The following WDR1 variants were observed in gnomAD, a reference collection of about 807,000 sequenced individuals.
WDR1 encodes the protein WD repeat-containing protein 1.
In WDR1, 21 loss-of-function variants were observed where a neutral mutation model predicts 71.9. The ratio of observed to expected loss-of-function variants is 0.29; its 90% CI spans 0.21 to 0.42. WDR1 has a LOEUF of 0.42. WDR1 is among the 10% of genes least tolerant of loss of function. The pLI is 1.00. For synonymous variants in WDR1, 424 were observed against 347.4 expected (o/e 1.22, Z -2.45); for missense variants, 696 against 824.5 (o/e 0.84, Z 1.91).
Position 10,088,351 on chromosome 4 carries a change from G to T in WDR1, c.659C>A (p.Thr220Asn). The T allele has an allele frequency of 1.9e-6, 3 of 1,558,844 alleles. No homozygotes were observed. The highest frequency in any genetic ancestry group is 2.6e-6 in the Non-Finnish European group (3 of 1,150,860). Residue 220 changes from threonine to asparagine, a missense_variant, in exon 7 of 15, where the codon ACT (threonine) becomes AAT (asparagine). By Grantham distance (65) the Thr-to-Asn change is moderately conservative. Transcript: ENST00000499869. ...GCCCAGCGCGCACACCTTCTCCCCA[G>T]TCTTCCCGTCATAGATGTATATCTT... ...DGQIYIYDGK[T>N]GEKVCALGGS...
chr4:10,074,877 TGA>T lies in WDR1; in HGVS notation c.*499_*500del, dbSNP rs1764738200. ...GCGCTCTGAAGGCAGCCACAAGGTG[TGA>T]GTCACACACTAGGGAGACAGACATC... On this transcript the variant is annotated 3_prime_UTR_variant, in exon 15 of 15. Coordinates refer to ENST00000499869, the MANE Select transcript of WDR1 (RefSeq NM_017491.5). 1 of 157,316 alleles carries T rather than the reference TGA, an allele frequency of 6.4e-6. No individual in the cohort carries two copies. Among genetic ancestry groups the T allele is most frequent in the African/African-American group, 2.4e-5 (1 of 41,664 alleles). 9.7% of individuals were successfully genotyped at this position (157,316 alleles called of 1,614,324 possible).
intron 10 of WDR1, among the ~76,000 whole-genome samples, chr4:10,081,679 A>AGGGG (rs1765021596): frequency 5.4e-4 from 5 of 9,190 alleles, no homozygotes; most frequent in South Asian, 3.9e-3. Flanking sequence ...GGGGGGAAGG[A>AGGGG]GGGGCGGGAG....
intron 2 of WDR1, among the ~76,000 whole-genome samples, chr4:10,114,079 G>A (rs57757169): frequency 0.19 from 29,291 of 151,856 alleles, 2,982 homozygotes; most frequent in Non-Finnish European, 0.22. Context: ...AAAAAAAATC[G>A]TACCCACCTT....
At chr4:10,084,392 TC>T (rs767420539) in intron 9 of WDR1, 50 bp downstream of exon 9, 3 of 1,555,892 alleles carry the variant, frequency 1.9e-6, no homozygotes, top group African/African-American at 2.7e-5. Context: ...AACAGGAAAT[TC>T]CCCCCTAGAG....
In WDR1 at chr4:10,088,945, C is replaced by A. The variant is rs567559588; in HGVS notation, c.559-204G>T. Among the ~76,000 whole-genome samples the A allele has an allele frequency of 5.3e-4, 81 of 152,352 alleles. No homozygotes were observed. The South Asian group carries it at 0.016, about 31-fold the overall frequency. Reference sequence around the variant, plus strand: ...AGTCTGCTCCAGCCTGCCTGCCATGCTGACCGCTCTACCTGCTGGGAAAGC... The same window carrying A: ...AGTCTGCTCCAGCCTGCCTGCCATGATGACCGCTCTACCTGCTGGGAAAGC... On this transcript the variant is annotated intron_variant, in intron 5 of 14. Transcript: ENST00000499869.
chr4:10,096,757 T>C (rs1361824609), intron 5 of WDR1: 1 of 151,746 alleles, frequency 6.6e-6, no homozygotes, highest in Non-Finnish European at 1.5e-5. Context: ...ATCTCATTAA[T>C]CCTCCATGAG....
At chr4:10,083,655 C>T (rs1344422860) in intron 9 of WDR1, 1 of 478,652 alleles carries the variant, frequency 2.1e-6, no homozygotes, top group Non-Finnish European at 4.2e-6. Flanking sequence ...CAGCACGGTG[C>T]TCAGGGAGGG....
chr4:10,079,083 C>T (rs944423456), intron 11 of WDR1, 82 bp from the exon 12 acceptor site: 28 of 1,169,998 alleles, frequency 2.4e-5, no homozygotes, highest in African/African-American at 1.7e-4. Flanking sequence ...GCGTCCCTGT[C>T]GGGGCTCACT....
At chr4:10,115,928 C>G (rs1577084480) in intron 2 of WDR1, 185 bp downstream of exon 2, 3 of 716,046 alleles carry the variant, frequency 4.2e-6, no homozygotes, top group African/African-American at 3.6e-5. Context: ...AAGGAGCAGA[C>G]AAGGACCTGG....
intron 5 of WDR1, chr4:10,093,145 C>T (rs1712112554): frequency 7.0e-6 from 9 of 1,289,394 alleles, no homozygotes; most frequent in South Asian, 1.2e-5. Context: ...GCTGGCCTGT[C>T]TCCAGCACAC....
At chr4:10,089,451 G>C (rs1472653480) in intron 5 of WDR1, among the ~76,000 whole-genome samples, 6 of 152,166 alleles carry the variant, frequency 3.9e-5, no homozygotes. Context: ...CCTTCATCAA[G>C]AACAAGAGCC....
chr4:10,115,365 C>T (rs1036455581), intron 2 of WDR1, among the ~76,000 whole-genome samples: 4 of 152,248 alleles, frequency 2.6e-5, no homozygotes, highest in African/African-American at 9.6e-5. Flanking sequence ...GAAGCCTTTT[C>T]AGCCTGGGTA....
At chr4:10,083,666 C>G in intron 9 of WDR1, 1 of 474,242 alleles carries the variant, frequency 2.1e-6, no homozygotes, top group South Asian at 1.5e-5. Context: ...TCAGGGAGGG[C>G]AGCAGAACAA....
At chr4:10,102,169 ATTAGTGCAACAGCCATGC>A (rs1712719539) in intron 3 of WDR1, among the ~76,000 whole-genome samples, 3 of 152,208 alleles carry the variant, frequency 2.0e-5, no homozygotes. Context: ...GTAAGTACCC[ATTAGTGCAACAGCCATGC>A]TGGGCATATC....
intron 3 of WDR1, among the ~76,000 whole-genome samples, chr4:10,103,251 AACATCCATTCACACATACAC>A (rs1466840976): frequency 6.8e-6 from 1 of 147,054 alleles, no homozygotes; most frequent in Non-Finnish European, 1.5e-5. Context: ...CACAAAACAA[AACATCCATTCACACATACAC>A]ACACACACAC....
At chr4:10,086,333 G>A (rs1711545665) in intron 8 of WDR1, among the ~76,000 whole-genome samples, 1 of 152,176 alleles carries the variant, frequency 6.6e-6, no homozygotes, top group African/African-American at 2.4e-5. Flanking sequence ...CTATCCTCGA[G>A]GCCACGTCTA....
At chr4:10,101,409 C>T (rs1451620073) in intron 3 of WDR1, among the ~76,000 whole-genome samples, 1 of 152,236 alleles carries the variant, frequency 6.6e-6, no homozygotes, top group Non-Finnish European at 1.5e-5. Context: ...CACCCCCCTA[C>T]CACACTATTT....
chr4:10,116,046 G>A (rs970440704), intron 2 of WDR1, 67 bp downstream of exon 2: 4 of 1,569,152 alleles, frequency 2.5e-6, no homozygotes, highest in African/African-American at 2.7e-5. Flanking sequence ...AAGTGGAGAG[G>A]AAGGCGAATT....
intron 14 of WDR1, chr4:10,076,946 T>G: frequency 4.6e-6 from 1 of 215,944 alleles, no homozygotes; most frequent in Non-Finnish European, 9.1e-6. Flanking sequence ...TACCAGGAAA[T>G]TTCAACGCCA....
Sources: allele counts gnomAD v4.1 joint callset (sites outside exome capture counted in the v4.1 genomes callset), GRCh38; gene constraint gnomAD v4.1.1; transcripts MANE v1.5; gene names NCBI Gene and HGNC (gene_info 2026-07-23, HGNC 2026-07-21).